SPRED1: variants seen among roughly 807,000 people sequenced by gnomAD.
SPRED1 encodes sprouty-related, EVH1 domain-containing protein 1.
Under a neutral mutation model 52.3 loss-of-function variants are expected in SPRED1, and 18 were observed. That is an observed-to-expected ratio of 0.34 (90% confidence interval 0.24 to 0.51). The LOEUF (loss-of-function observed/expected upper bound fraction) is 0.51, where lower values mean the gene tolerates loss of function less well. Among genes scored for constraint, SPRED1 ranks in the 20% least tolerant of loss-of-function variants. SPRED1 has a pLI of 0.97. For synonymous variants in SPRED1, 155 were observed against 179.7 expected, an observed-to-expected ratio of 0.86 and a Z score of 1.10; for missense variants, 485 against 551.0, an observed-to-expected ratio of 0.88 and a Z score of 1.20.
At chr15:38,328,801 C>T (rs1042325734) in intron 4 of SPRED1, among the ~76,000 whole-genome samples, 1 of 152,012 alleles carries the variant, frequency 6.6e-6, no homozygotes, top group South Asian at 2.1e-4. Flanking sequence ...CTCACTGTAG[C>T]CTTTGCCTCC....
chr15:38,263,402 T>C (rs2140950902), intron 1 of SPRED1, among the ~76,000 whole-genome samples: 1 of 152,154 alleles, frequency 6.6e-6, no homozygotes, highest in Middle Eastern at 3.4e-3. Flanking sequence ...GCATATATAG[T>C]AGTTGAGGCC....
At chr15:38,347,485 T>TTTTTTTTTTTTC in intron 5 of SPRED1, among the ~76,000 whole-genome samples, 1 of 94,062 alleles carries the variant, frequency 1.1e-5, no homozygotes, top group African/African-American at 3.8e-5. Context: ...TTTTTTTTTT[T>TTTTTTTTTTTTC]CAATTTGGCT....
chr15:38,326,896 G>T (rs1013529518), intron 4 of SPRED1, among the ~76,000 whole-genome samples: 2 of 152,154 alleles, frequency 1.3e-5, no homozygotes, highest in African/African-American at 2.4e-5. Context: ...TTATTCCCAG[G>T]TCCTAAGTTC....
intron 2 of SPRED1, among the ~76,000 whole-genome samples, chr15:38,320,694 A>T (rs1462433944): frequency 6.6e-6 from 1 of 152,184 alleles, no homozygotes; most frequent in Non-Finnish European, 1.5e-5. Context: ...GTCATGTGCT[A>T]CTATGGGTTT....
intron 1 of SPRED1, among the ~76,000 whole-genome samples, chr15:38,290,638 C>T (rs879580934): frequency 1.3e-5 from 2 of 151,922 alleles, no homozygotes; most frequent in South Asian, 2.1e-4. Flanking sequence ...AGAGTCATGG[C>T]GGGAGGCGAA....
intron 2 of SPRED1, among the ~76,000 whole-genome samples, chr15:38,303,698 G>A (rs763097511): frequency 6.6e-5 from 10 of 151,904 alleles, no homozygotes; most frequent in Non-Finnish European, 1.5e-4. Flanking sequence ...AAATTTGCTA[G>A]TATTATTAAA....
At position 38,324,747 on chromosome 15, in the gene SPRED1, T is replaced by C. The variant is rs1265763193; in HGVS notation, c.377-16T>C. ...CAAAAATTCTATACTTAATTAACTT[T>C]TATCTATTTTCTTAGGATGCCCCGA... On this transcript the variant is annotated splice_polypyrimidine_tract_variant and intron_variant, in intron 3 of 6. Transcript: ENST00000299084. 1.3e-6 allele frequency: 2 copies of C among 1,590,734 alleles called. No individual in the cohort carries two copies. Among genetic ancestry groups the C allele is most frequent in the Non-Finnish European group, 1.7e-6 (2 of 1,166,980 alleles).
chr15:38,269,420 T>G (rs1173057165), intron 1 of SPRED1, among the ~76,000 whole-genome samples: 1 of 152,134 alleles, frequency 6.6e-6, no homozygotes, highest in Non-Finnish European at 1.5e-5. Context: ...TTTTAAATTT[T>G]TTTGTAGAGA....
In SPRED1 at chr15:38,351,221, G is replaced by C. The variant is rs761001792; in HGVS notation, c.892G>C (p.Asp298His). Residue 298 changes from aspartate (D) to histidine (H), a missense_variant, in exon 7 of 7, where the codon GAT (aspartate) becomes CAT (histidine). Asp to His is a moderately conservative substitution (Grantham distance 81). Transcript: ENST00000299084. ...ATCAGACTATCTGTACTCTTGTGGG[G>C]ATGAGACTAAGTTAAGTTCACCCAA... ...KKSDYLYSCG[D>H]ETKLSSPKDS... 3.7e-6 allele frequency: 6 copies of C among 1,614,020 alleles called. No homozygotes were observed. In the Admixed American group the frequency reaches 1.0e-4, roughly 27 times the overall value.
chr15:38,337,651 G>A (rs1163441599), intron 4 of SPRED1, among the ~76,000 whole-genome samples: 1 of 151,970 alleles, frequency 6.6e-6, no homozygotes, highest in East Asian at 1.9e-4. Context: ...TTAATTTACA[G>A]GATATAAATA....
Position 38,352,290 on chromosome 15 carries a change from T to C in SPRED1, c.*626T>C, listed in dbSNP as rs1033171100. On this transcript the variant is annotated 3_prime_UTR_variant, in exon 7 of 7. Coordinates refer to ENST00000299084, the MANE Select transcript of SPRED1 (RefSeq NM_152594.3). ...GTCACATTCCATATATTTTGAATAT[T>C]TAACTCATCTAGTTAATAATGTTTT... The C allele has an allele frequency of 2.0e-5, 3 of 152,470 alleles. No homozygotes were observed. In the Admixed American group the frequency reaches 2.0e-4, roughly 10 times the overall value. The allele number at this position is 152,470 out of a possible 1,614,324, so 9.4% of individuals were successfully genotyped here. A position where few individuals can be genotyped will look rare whatever the true frequency, so the allele number is the denominator to read the frequency against.
chr15:38,322,152 A>C, intron 2 of SPRED1, 89 bp from the exon 3 acceptor site: 1 of 1,239,484 alleles, frequency 8.1e-7, no homozygotes, highest in East Asian at 2.3e-5. Context: ...AAAAAGTAAT[A>C]GCGTTGTATC....
chr15:38,259,899 GA>G (rs1453181157), intron 1 of SPRED1, among the ~76,000 whole-genome samples: 1 of 152,194 alleles, frequency 6.6e-6, no homozygotes, highest in East Asian at 1.9e-4. Flanking sequence ...TACTCAGAAT[GA>G]AAAACAGTTC....
In SPRED1 at chr15:38,339,996, C is replaced by T; in HGVS notation, c.582+101C>T. 3.5e-6 allele frequency: 5 copies of T among 1,449,148 alleles called. No individual in the cohort carries two copies. In the South Asian group the frequency reaches 6.0e-5, roughly 17 times the overall value. The allele number at this position is 1,449,148 out of a possible 1,614,324, so 89.8% of individuals were successfully genotyped here. A position where few individuals can be genotyped will look rare whatever the true frequency, so the allele number is the denominator to read the frequency against. On this transcript the variant is annotated intron_variant, in intron 5 of 6. Coordinates refer to ENST00000299084, the MANE Select transcript of SPRED1 (RefSeq NM_152594.3). ...AAAACCATCTGCCCTTTACCAGACA[C>T]AGTAAACAAACAAACAAAAACCCCA... is the stretch of plus-strand genomic sequence containing the variant.
intron 1 of SPRED1, among the ~76,000 whole-genome samples, chr15:38,298,746 A>G (rs370950559): frequency 6.6e-6 from 1 of 152,208 alleles, no homozygotes; most frequent in African/African-American, 2.4e-5. Context: ...TAAACTGGTT[A>G]GCTAATAACA....
chr15:38,336,903 C>T (rs1338831108), intron 4 of SPRED1, among the ~76,000 whole-genome samples: 1 of 152,032 alleles, frequency 6.6e-6, no homozygotes, highest in African/African-American at 2.4e-5. Context: ...CTCATGTGAC[C>T]AAACCACCTG....
chr15:38,316,755 T>G (rs1243251479), intron 2 of SPRED1, among the ~76,000 whole-genome samples: 6 of 146,754 alleles, frequency 4.1e-5, no homozygotes, highest in East Asian at 2.0e-4. Flanking sequence ...TATGTTTTTT[T>G]TTTTTTTTTT....
At chr15:38,349,285 G>T (rs1216893155) in intron 5 of SPRED1, 137 bp from the exon 6 acceptor site, 14 of 638,154 alleles carry the variant, frequency 2.2e-5, no homozygotes, top group Non-Finnish European at 3.4e-5. Context: ...GGGGGGAAAT[G>T]ATTCTATTTT....
chr15:38,338,495 A>G (rs1895967522), intron 4 of SPRED1, among the ~76,000 whole-genome samples: 1 of 152,130 alleles, frequency 6.6e-6, no homozygotes, highest in Non-Finnish European at 1.5e-5. Context: ...CCAATGTTTT[A>G]TCAGCAACTG....
Sources: gnomAD v4.1 joint callset for allele counts (sites outside exome capture counted in the v4.1 genomes callset) on GRCh38, gnomAD v4.1.1 for gene constraint, MANE v1.5 for transcripts, NCBI Gene and HGNC (gene_info 2026-07-23, HGNC 2026-07-21) for gene names.